Variants in CNTN1 observed in about 807,000 individuals in gnomAD.
The protein encoded by CNTN1 is contactin 1.
Under a neutral mutation model 126.4 loss-of-function variants are expected in CNTN1, and 38 were observed. The observed-to-expected ratio is 0.30, with a 90% CI of 0.23 to 0.39. The LOEUF (loss-of-function observed/expected upper bound fraction) is 0.39, where lower values mean the gene tolerates loss of function less well. Among genes scored for constraint, CNTN1 ranks in the 10% least tolerant of loss-of-function variants. The probability of loss-of-function intolerance (pLI) is 1.00; values close to 1 mark genes in which losing one functional copy is unlikely to be tolerated. For synonymous variants in CNTN1, 413 were observed against 422.6 expected (o/e 0.98, Z 0.28); for missense variants, 1,009 against 1,248.4 (o/e 0.81, Z 2.89).
At chr12:41,069,593 C>G (rs1284681967) in intron 23 of CNTN1, among the ~76,000 whole-genome samples, 3 of 151,818 alleles carry the variant, frequency 2.0e-5, no homozygotes, top group South Asian at 4.2e-4. Flanking sequence ...CCACTCCCCC[C>G]ACCCCACAAC....
At chr12:40,931,122 T>C (rs775032571) in intron 7 of CNTN1, among the ~76,000 whole-genome samples, 3 of 151,966 alleles carry the variant, frequency 2.0e-5, no homozygotes, top group Non-Finnish European at 4.4e-5. Flanking sequence ...ACAACACTTA[T>C]TTTCTTCTTT....
chr12:40,813,038 C>CCTTCTTTCTTTCTTT (rs1941129210), intron 1 of CNTN1, among the ~76,000 whole-genome samples: 11 of 84,946 alleles, frequency 1.3e-4, no homozygotes, highest in Non-Finnish European at 2.5e-4. Flanking sequence ...CTCTTTCTTT[C>CCTTCTTTCTTTCTTT]CTTTCTTTCT....
intron 10 of CNTN1, 105 bp from the exon 11 acceptor site, chr12:40,937,465 G>C: frequency 1.3e-6 from 1 of 793,434 alleles, no homozygotes; most frequent in Non-Finnish European, 2.2e-6. Flanking sequence ...AGTGGGGGCA[G>C]ATGAACATAA....
chr12:40,847,263 A>G (rs989757285), intron 1 of CNTN1, among the ~76,000 whole-genome samples: 1 of 152,182 alleles, frequency 6.6e-6, no homozygotes, highest in African/African-American at 2.4e-5. Flanking sequence ...TTAATAACGT[A>G]AAAAAGACTG....
intron 23 of CNTN1, among the ~76,000 whole-genome samples, chr12:41,056,589 T>C (rs528478877): frequency 6.6e-6 from 1 of 152,184 alleles, no homozygotes; most frequent in East Asian, 1.9e-4. Flanking sequence ...CAGCTAAAAT[T>C]TCTAGCACTC....
intron 22 of CNTN1, among the ~76,000 whole-genome samples, chr12:41,028,207 TTTTTAGTAGAGAC>T (rs1271823455): frequency 6.6e-6 from 1 of 152,108 alleles, no homozygotes; most frequent in African/African-American, 2.4e-5. Flanking sequence ...AATTTTTGTA[TTTTTAGTAGAGAC>T]AGGGTTTCAC....
intron 22 of CNTN1, 28 bp from the exon 23 acceptor site, chr12:41,029,035 G>A (rs1381616661): frequency 6.2e-7 from 1 of 1,609,740 alleles, no homozygotes; most frequent in East Asian, 2.2e-5. Context: ...TGACTTTACT[G>A]CATATTTACA....
At chr12:40,759,720 C>T (rs187257390) in intron 1 of CNTN1, among the ~76,000 whole-genome samples, 264 of 151,094 alleles carry the variant, frequency 1.7e-3, no homozygotes, top group African/African-American at 6.2e-3. Context: ...CTGCCCACCT[C>T]GGCCTCCCAA....
At chr12:40,817,380 T>A (rs1026604967) in intron 1 of CNTN1, among the ~76,000 whole-genome samples, 6 of 152,258 alleles carry the variant, frequency 3.9e-5, no homozygotes, top group African/African-American at 1.4e-4. Context: ...CTTGTTGAAT[T>A]GTTCCCTTTA....
rs181754658 is a variant in CNTN1 at position 40,898,046 on chromosome 12, A to G, written c.-76-10311A>G. ...TTATTATTCTCCTTTCTCTATTGCT[A>G]CTTCCTCCTGGATCTGCTTGCCAAG... On this transcript the variant is annotated intron_variant, in intron 1 of 23. Transcript: ENST00000551295. Among the ~76,000 whole-genome samples, 208 of 152,218 alleles carry G rather than the reference A, an allele frequency of 1.4e-3. 1 individual carries two copies. Among genetic ancestry groups the G allele is most frequent in the Non-Finnish European group, 2.4e-3 (166 of 67,994 alleles).
At chr12:40,781,622 A>T (rs1939808189) in intron 1 of CNTN1, among the ~76,000 whole-genome samples, 2 of 151,990 alleles carry the variant, frequency 1.3e-5, no homozygotes, top group African/African-American at 2.4e-5. Context: ...ATTAAATTTC[A>T]TCATTAATCA....
At chr12:40,767,199 T>G (rs541728970) in intron 1 of CNTN1, among the ~76,000 whole-genome samples, 1 of 152,112 alleles carries the variant, frequency 6.6e-6, no homozygotes, top group South Asian at 2.1e-4. Flanking sequence ...CTCTCCTTGG[T>G]CTGAAAATTA....
intron 1 of CNTN1, among the ~76,000 whole-genome samples, chr12:40,738,375 G>A (rs1937789864): frequency 6.6e-6 from 1 of 151,970 alleles, no homozygotes; most frequent in South Asian, 2.1e-4. Context: ...AAGTCCATTA[G>A]AATTTTGAAG....
At chr12:40,785,243 G>C (rs1319080980) in intron 1 of CNTN1, among the ~76,000 whole-genome samples, 3 of 152,142 alleles carry the variant, frequency 2.0e-5, no homozygotes, top group Non-Finnish European at 4.4e-5. Flanking sequence ...AAAGAAAAGA[G>C]GTTTAATTGG....
At chr12:40,910,029 A>G in intron 2 of CNTN1, 44 bp from the exon 3 acceptor site, 1 of 1,469,912 alleles carries the variant, frequency 6.8e-7, no homozygotes. Flanking sequence ...CCACAATTCA[A>G]ATAATTGCTT....
chr12:40,955,042 T>C (rs1946823783), intron 14 of CNTN1, among the ~76,000 whole-genome samples: 1 of 152,030 alleles, frequency 6.6e-6, no homozygotes, highest in Non-Finnish European at 1.5e-5. Flanking sequence ...AATGTCCTAT[T>C]TGTGGCATGA....
At chr12:40,915,556 A>G (rs894866202) in intron 3 of CNTN1, among the ~76,000 whole-genome samples, 7 of 152,086 alleles carry the variant, frequency 4.6e-5, no homozygotes, top group African/African-American at 1.7e-4. Flanking sequence ...TATATTCCCC[A>G]TTATTAAATG....
In CNTN1 at chr12:41,016,662, A is replaced by G; in HGVS notation, c.2185-20A>G. On this transcript the variant is annotated intron_variant, in intron 18 of 23. Coordinates refer to ENST00000551295, the MANE Select transcript of CNTN1 (RefSeq NM_001843.4). ...TACCTGTATTACTAAAACCTACTCA[A>G]TCTTTTAATTTCTATTTAGCCTTTG... 2 of 1,522,824 alleles carry G rather than the reference A, an allele frequency of 1.3e-6. No individual in the cohort carries two copies. The highest frequency in any genetic ancestry group is 1.1e-5 in the South Asian group (1 of 89,206). The allele number at this position is 1,522,824 out of a possible 1,614,324, so 94.3% of individuals were successfully genotyped here.
intron 1 of CNTN1, among the ~76,000 whole-genome samples, chr12:40,855,275 C>T (rs553729956): frequency 6.6e-6 from 1 of 152,006 alleles, no homozygotes; most frequent in Non-Finnish European, 1.5e-5. Context: ...TAAACCGTTG[C>T]AAAATGTAAT....
Sources: allele counts gnomAD v4.1 joint callset (sites outside exome capture counted in the v4.1 genomes callset), GRCh38; gene constraint gnomAD v4.1.1; transcripts MANE v1.5; gene names NCBI Gene and HGNC (gene_info 2026-07-23, HGNC 2026-07-21).